Variants in CDH13 observed in about 807,000 individuals in gnomAD.
CDH13 encodes cadherin 13.
Under a neutral mutation model 63.8 loss-of-function variants are expected in CDH13, and 24 were observed. That is an observed-to-expected ratio of 0.38 (90% CI 0.27 to 0.53). The LOEUF is 0.53. Ranked by LOEUF, CDH13 falls within the 20% of genes least tolerant of loss-of-function variation. The pLI, the probability that CDH13 is intolerant of heterozygous loss-of-function variation, is 0.85. For synonymous variants in CDH13, 503 were observed against 355.3 expected (o/e 1.42, Z -4.67); for missense variants, 1,049 against 903.1 (o/e 1.16, Z -2.07).
chr16:83,167,738 G>T (rs1239766008), intron 4 of CDH13, among the ~76,000 whole-genome samples: 1 of 150,018 alleles, frequency 6.7e-6, no homozygotes. Flanking sequence ...CCCTCCTTCT[G>T]GTTTCCATTT....
chr16:83,430,346 T>C (rs1216673445), intron 6 of CDH13, among the ~76,000 whole-genome samples: 1 of 152,154 alleles, frequency 6.6e-6, no homozygotes, highest in Non-Finnish European at 1.5e-5. Flanking sequence ...CCACACAGCA[T>C]TGAAGAGGAC....
intron 3 of CDH13, among the ~76,000 whole-genome samples, chr16:83,102,178 G>C (rs1222860322): frequency 6.6e-6 from 1 of 152,172 alleles, no homozygotes; most frequent in African/African-American, 2.4e-5. Context: ...ATACCTTCTG[G>C]TGTACATCTT....
At chr16:83,574,784 C>T (rs1904957879) in intron 7 of CDH13, among the ~76,000 whole-genome samples, 1 of 152,126 alleles carries the variant, frequency 6.6e-6, no homozygotes, top group African/African-American at 2.4e-5. Flanking sequence ...AAGAATTTCA[C>T]ATACAACTTC....
At chr16:83,199,917 T>G (rs904108175) in intron 4 of CDH13, among the ~76,000 whole-genome samples, 4 of 152,170 alleles carry the variant, frequency 2.6e-5, no homozygotes, top group Non-Finnish European at 5.9e-5. Context: ...AATCATTTTC[T>G]AAACCACTGC....
chr16:83,697,055 A>G (rs1905503503), intron 10 of CDH13, among the ~76,000 whole-genome samples: 1 of 152,086 alleles, frequency 6.6e-6, no homozygotes, highest in Admixed American at 6.5e-5. Context: ...AACTGTGCAA[A>G]CATCATTCCC....
intron 11 of CDH13, among the ~76,000 whole-genome samples, chr16:83,758,772 T>C (rs1468610344): frequency 6.6e-6 from 1 of 152,232 alleles, no homozygotes; most frequent in Admixed American, 6.5e-5. Context: ...AAAGATACTG[T>C]TTGCAATATC....
intron 5 of CDH13, among the ~76,000 whole-genome samples, chr16:83,247,263 CTG>C (rs770046162): frequency 3.9e-5 from 6 of 152,142 alleles, no homozygotes; most frequent in Non-Finnish European, 7.3e-5. Flanking sequence ...CCAGGACAGG[CTG>C]TGAGTACATG....
intron 7 of CDH13, among the ~76,000 whole-genome samples, chr16:83,578,679 C>G (rs1316550940): frequency 6.6e-6 from 1 of 152,198 alleles, no homozygotes; most frequent in Non-Finnish European, 1.5e-5. Context: ...AAGGATATGA[C>G]AATGAACATA....
At chr16:82,872,251 C>G (rs1454508692) in intron 2 of CDH13, among the ~76,000 whole-genome samples, 1 of 152,214 alleles carries the variant, frequency 6.6e-6, no homozygotes, top group African/African-American at 2.4e-5. Flanking sequence ...AGCCATCACA[C>G]CAGGTTTCTT....
At chr16:83,142,035 C>G (rs567968851) in intron 4 of CDH13, among the ~76,000 whole-genome samples, 58 of 152,302 alleles carry the variant, frequency 3.8e-4, no homozygotes, top group African/African-American at 1.4e-3. Flanking sequence ...ACAAGTTTCC[C>G]ACCTGTGTAT....
chr16:83,033,170 A>G (rs1454013521), intron 3 of CDH13, among the ~76,000 whole-genome samples: 4 of 152,192 alleles, frequency 2.6e-5, no homozygotes, highest in African/African-American at 9.7e-5. Context: ...TATATCAAAG[A>G]TATCTCAAAG....
intron 1 of CDH13, among the ~76,000 whole-genome samples, chr16:82,716,695 A>T (rs2151015271): frequency 6.6e-6 from 1 of 150,974 alleles, no homozygotes; most frequent in East Asian, 2.0e-4. Flanking sequence ...GTTGTTTTAA[A>T]ATCATTAGTT....
chr16:83,368,312 G>A (rs1429102609), intron 6 of CDH13, among the ~76,000 whole-genome samples: 2 of 152,112 alleles, frequency 1.3e-5, no homozygotes, highest in Admixed American at 1.3e-4. Flanking sequence ...TACTGAGGTA[G>A]CATTGTTCCA....
chr16:83,131,422 G>A (rs12918421), intron 4 of CDH13, among the ~76,000 whole-genome samples: 47,719 of 152,020 alleles, frequency 0.31, 7,666 homozygotes, highest in Middle Eastern at 0.41. Flanking sequence ...GGAGCTGACA[G>A]TGAGTGCTCT....
intron 4 of CDH13, among the ~76,000 whole-genome samples, chr16:83,131,271 A>T (rs978886065): frequency 7.4e-6 from 1 of 134,692 alleles, no homozygotes; most frequent in Admixed American, 9.7e-5. Context: ...TTTGCCTCCT[A>T]ATTTCTGGCT....
intron 13 of CDH13, among the ~76,000 whole-genome samples, chr16:83,792,173 G>A (rs755714459): frequency 5.9e-5 from 9 of 152,356 alleles, no homozygotes; most frequent in South Asian, 2.1e-4. Context: ...GGCTGTCTTC[G>A]GCCTGCAGAC....
At chr16:82,881,486 A>G (rs1376598797) in intron 2 of CDH13, among the ~76,000 whole-genome samples, 1 of 152,150 alleles carries the variant, frequency 6.6e-6, no homozygotes, top group Non-Finnish European at 1.5e-5. Flanking sequence ...TAACTCCATT[A>G]CAATCTGTTT....
At chr16:82,755,212 T>A (rs562763608) in intron 1 of CDH13, among the ~76,000 whole-genome samples, 1 of 152,288 alleles carries the variant, frequency 6.6e-6, no homozygotes, top group South Asian at 2.1e-4. Context: ...CATGTTTCCC[T>A]TTTTCTCTGC....
intron 7 of CDH13, among the ~76,000 whole-genome samples, chr16:83,488,222 C>G (rs904030264): frequency 6.6e-6 from 1 of 152,358 alleles, no homozygotes; most frequent in South Asian, 2.1e-4. Flanking sequence ...ACCTAGAACA[C>G]TTCCATCACC....
Sources: gnomAD v4.1 joint callset for allele counts (sites outside exome capture counted in the v4.1 genomes callset) on GRCh38, gnomAD v4.1.1 for gene constraint, MANE v1.5 for transcripts, NCBI Gene and HGNC (gene_info 2026-07-23, HGNC 2026-07-21) for gene names.